Variants in UNC13C observed in about 807,000 individuals in gnomAD.
UNC13C encodes unc-13 homolog C.
Under a neutral mutation model 245.4 loss-of-function variants are expected in UNC13C, and 174 were observed. The ratio of observed to expected loss-of-function variants is 0.71; its 90% CI spans 0.63 to 0.80. The LOEUF is 0.80. UNC13C is among the 30% of genes least tolerant of loss of function. The pLI is 0.00. For missense variants in UNC13C, 2,829 were observed against 2,602.9 expected, an observed-to-expected ratio of 1.09 and a Z score of -1.89; for synonymous variants, 992 against 895.1, an observed-to-expected ratio of 1.11 and a Z score of -1.93.
intron 30 of UNC13C, among the ~76,000 whole-genome samples, chr15:54,580,113 T>C (rs1898136044): frequency 6.6e-6 from 1 of 152,222 alleles, no homozygotes; most frequent in African/African-American, 2.4e-5. Context: ...ATACAATTTC[T>C]CTGGACCCAC....
At chr15:54,349,888 A>G (rs1299733951) in intron 17 of UNC13C, among the ~76,000 whole-genome samples, 1 of 152,244 alleles carries the variant, frequency 6.6e-6, no homozygotes, top group South Asian at 2.1e-4. Flanking sequence ...ACTTAGGAAA[A>G]TGGGTTAGAT....
chr15:54,353,561 G>T (rs541152885), intron 17 of UNC13C, among the ~76,000 whole-genome samples: 1 of 152,142 alleles, frequency 6.6e-6, no homozygotes, highest in Non-Finnish European at 1.5e-5. Flanking sequence ...AATCACTTTC[G>T]TTGGGCTTCT....
chr15:54,117,383 A>G (rs1471309747), intron 2 of UNC13C, among the ~76,000 whole-genome samples: 1 of 151,956 alleles, frequency 6.6e-6, no homozygotes, highest in African/African-American at 2.4e-5. Flanking sequence ...TTCCAATATT[A>G]TCTTCTAGTA....
At chr15:54,045,207 ATTTGT>A (rs1896982866) in intron 2 of UNC13C, among the ~76,000 whole-genome samples, 1 of 151,872 alleles carries the variant, frequency 6.6e-6, no homozygotes, top group Non-Finnish European at 1.5e-5. Flanking sequence ...TAGTTTTCAG[ATTTGT>A]TTTGAGTTAA....
At chr15:53,953,513 G>C in the UNC13C span, among the ~76,000 whole-genome samples, 1 of 152,226 alleles carries the variant, frequency 6.6e-6, no homozygotes, top group Non-Finnish European at 1.5e-5. Context: ...TACAAGAGGA[G>C]CAAAATAGAG....
At chr15:54,168,967 T>C (rs1438178863) in intron 4 of UNC13C, among the ~76,000 whole-genome samples, 1 of 152,204 alleles carries the variant, frequency 6.6e-6, no homozygotes, top group Non-Finnish European at 1.5e-5. Context: ...TCTGAAAACA[T>C]ATTTCAATTT....
At chr15:53,879,919 G>C in the UNC13C span, among the ~76,000 whole-genome samples, 26,005 of 151,928 alleles carry the variant, frequency 0.17, 2,839 homozygotes, top group Non-Finnish European at 0.24. Flanking sequence ...ATACGGTATA[G>C]TGGAAAAAAA....
chr15:54,348,286 C>T (rs1026204273), intron 17 of UNC13C, among the ~76,000 whole-genome samples: 11 of 152,172 alleles, frequency 7.2e-5, no homozygotes, highest in East Asian at 1.9e-4. Context: ...TTTTCCCTTC[C>T]GCTAGACAGA....
intron 2 of UNC13C, among the ~76,000 whole-genome samples, chr15:54,084,754 A>T (rs536364127): frequency 6.6e-6 from 1 of 152,202 alleles, no homozygotes; most frequent in African/African-American, 2.4e-5. Context: ...ACTTGAAAAA[A>T]ATTATCTTCT....
intron 2 of UNC13C, among the ~76,000 whole-genome samples, chr15:54,038,290 C>A (rs1326044606): frequency 6.6e-6 from 1 of 150,616 alleles, no homozygotes; most frequent in Non-Finnish European, 1.5e-5. Context: ...TGCAACAATG[C>A]CTGGCTAATT....
At chr15:54,408,237 A>C (rs1366408111) in intron 18 of UNC13C, among the ~76,000 whole-genome samples, 1 of 147,602 alleles carries the variant, frequency 6.8e-6, no homozygotes, top group Non-Finnish European at 1.5e-5. Flanking sequence ...AAACATGGGC[A>C]AGAACCATAG....
chr15:53,972,341 TAAC>T, the UNC13C span, among the ~76,000 whole-genome samples: 1 of 152,174 alleles, frequency 6.6e-6, no homozygotes, highest in Non-Finnish European at 1.5e-5. Context: ...TCTTTGGAGA[TAAC>T]AACTAGGAAA....
intron 17 of UNC13C, among the ~76,000 whole-genome samples, chr15:54,366,354 T>C (rs2039365371): frequency 6.6e-6 from 1 of 152,204 alleles, no homozygotes; most frequent in Non-Finnish European, 1.5e-5. Context: ...TTTACAGATA[T>C]GAATTGTAAT....
chr15:53,997,180 G>A (rs544021660), intron 1 of UNC13C, among the ~76,000 whole-genome samples: 29 of 152,240 alleles, frequency 1.9e-4, no homozygotes, highest in Admixed American at 1.9e-3. Flanking sequence ...GTAGAGTACA[G>A]TTTTATGTGC....
At chr15:54,481,855 T>A (rs76239562) in intron 19 of UNC13C, among the ~76,000 whole-genome samples, 4,502 of 152,166 alleles carry the variant, frequency 0.03, 180 homozygotes, top group Admixed American at 0.12. Context: ...GGCCTCCAGA[T>A]GACCTGTGTG....
intron 2 of UNC13C, among the ~76,000 whole-genome samples, chr15:54,138,398 A>G (rs994992713): frequency 2.0e-5 from 3 of 149,950 alleles, no homozygotes; most frequent in Admixed American, 6.7e-5. Flanking sequence ...CATTATGGGG[A>G]TGTTTTTCTC....
intron 18 of UNC13C, among the ~76,000 whole-genome samples, chr15:54,395,743 A>G (rs2040057313): frequency 6.6e-6 from 1 of 151,814 alleles, no homozygotes. Flanking sequence ...GCTTTTGCTT[A>G]CTCAAATTTG....
At chr15:54,074,965 T>A (rs913177838) in intron 2 of UNC13C, among the ~76,000 whole-genome samples, 1 of 152,144 alleles carries the variant, frequency 6.6e-6, no homozygotes, top group Admixed American at 6.6e-5. Context: ...CAAGAATTGG[T>A]TACCTTAAAG....
intron 2 of UNC13C, among the ~76,000 whole-genome samples, chr15:54,064,740 G>T (rs1897997768): frequency 1.3e-5 from 2 of 152,130 alleles, no homozygotes; most frequent in African/African-American, 4.8e-5. Flanking sequence ...ATAACTGCAG[G>T]TACTGTTTAA....
Sources: allele counts gnomAD v4.1 joint callset (sites outside exome capture counted in the v4.1 genomes callset), GRCh38; gene constraint gnomAD v4.1.1; transcripts MANE v1.5; gene names NCBI Gene and HGNC (gene_info 2026-07-23, HGNC 2026-07-21).